Variants in EFCAB11 observed in about 807,000 individuals in gnomAD.
The protein encoded by EFCAB11 is EF-hand calcium-binding domain-containing protein 11.
In EFCAB11, 14 loss-of-function variants were observed where a neutral mutation model predicts 23.0. The observed-to-expected ratio is 0.61, with a 90% CI of 0.40 to 0.95. The LOEUF is 0.95. EFCAB11 is among the 40% of genes least tolerant of loss of function. The pLI, the probability that EFCAB11 is intolerant of heterozygous loss-of-function variation, is 0.00. For synonymous variants in EFCAB11, 65 were observed against 66.6 expected (o/e 0.98, Z 0.11); for missense variants, 198 against 195.8 (o/e 1.01, Z -0.07).
At chr14:89,948,583 G>T (rs1364962211) in intron 3 of EFCAB11, among the ~76,000 whole-genome samples, 1 of 152,220 alleles carries the variant, frequency 6.6e-6, no homozygotes, top group African/African-American at 2.4e-5. Context: ...TTTGGAAGAA[G>T]ACTCAGTGTC....
At chr14:89,805,163 A>C (rs1885925837) in intron 5 of EFCAB11, among the ~76,000 whole-genome samples, 1 of 152,226 alleles carries the variant, frequency 6.6e-6, no homozygotes, top group African/African-American at 2.4e-5. Flanking sequence ...CTACTAGCCT[A>C]ACAATTCCAT....
At chr14:89,805,780 G>A (rs913502082) in intron 5 of EFCAB11, among the ~76,000 whole-genome samples, 1 of 152,028 alleles carries the variant, frequency 6.6e-6, no homozygotes, top group Non-Finnish European at 1.5e-5. Flanking sequence ...TCTGCTACTT[G>A]GAAATGAAAG....
intron 5 of EFCAB11, among the ~76,000 whole-genome samples, chr14:89,815,476 G>C (rs984783355): frequency 6.6e-6 from 1 of 151,920 alleles, no homozygotes; most frequent in African/African-American, 2.4e-5. Context: ...GCCCAGGCTG[G>C]AGTGCAGTGG....
chr14:89,803,914 CAT>C (rs1288642909), intron 5 of EFCAB11, among the ~76,000 whole-genome samples: 28 of 152,182 alleles, frequency 1.8e-4, no homozygotes, highest in Admixed American at 1.7e-3. Context: ...TTTTTAAAGA[CAT>C]GTGTTAAGAA....
intron 5 of EFCAB11, among the ~76,000 whole-genome samples, chr14:89,798,856 G>A (rs1885666598): frequency 6.6e-6 from 1 of 152,106 alleles, no homozygotes; most frequent in Non-Finnish European, 1.5e-5. Context: ...GTGTGATCTT[G>A]GCTCACTGCG....
chr14:89,927,114 C>T (rs1490929224), intron 5 of EFCAB11, among the ~76,000 whole-genome samples: 2 of 152,146 alleles, frequency 1.3e-5, no homozygotes, highest in Admixed American at 1.3e-4. Flanking sequence ...GAATGATACA[C>T]CAGTGTTCTA....
At chr14:89,879,847 A>C (rs1347884560) in intron 5 of EFCAB11, among the ~76,000 whole-genome samples, 1 of 152,180 alleles carries the variant, frequency 6.6e-6, no homozygotes, top group Non-Finnish European at 1.5e-5. Flanking sequence ...TCTAATTATA[A>C]AAAGAGAAAA....
intron 5 of EFCAB11, chr14:89,829,868 G>A (rs1010604828): frequency 2.0e-5 from 3 of 151,980 alleles, no homozygotes; most frequent in African/African-American, 7.3e-5. Context: ...AAAAATCCAT[G>A]GATCTAGGAT....
intron 5 of EFCAB11, 72 bp downstream of exon 5, chr14:89,931,469 C>A: frequency 1.5e-6 from 2 of 1,346,908 alleles, no homozygotes; most frequent in African/African-American, 1.5e-5. Context: ...AAGTTCTTTC[C>A]ATAAAGTCAA....
chr14:89,949,117 A>G (rs776700106), intron 3 of EFCAB11, among the ~76,000 whole-genome samples: 2 of 152,198 alleles, frequency 1.3e-5, no homozygotes, highest in African/African-American at 2.4e-5. Context: ...ACATTTTAAA[A>G]TAACTAAGAG....
chr14:89,865,669 T>C (rs1888064948), intron 5 of EFCAB11, among the ~76,000 whole-genome samples: 1 of 151,362 alleles, frequency 6.6e-6, no homozygotes, highest in Admixed American at 6.6e-5. Flanking sequence ...GTCTGGCTTG[T>C]GTTTATTTTT....
intron 5 of EFCAB11, among the ~76,000 whole-genome samples, chr14:89,897,604 G>C (rs1473483935): frequency 6.6e-6 from 1 of 152,066 alleles, no homozygotes; most frequent in Non-Finnish European, 1.5e-5. Context: ...GGAGTGTGCG[G>C]GTATATGTGA....
intron 3 of EFCAB11, among the ~76,000 whole-genome samples, chr14:89,944,322 C>T (rs1049908032): frequency 1.1e-4 from 16 of 152,206 alleles, no homozygotes; most frequent in African/African-American, 3.6e-4. Context: ...ATCACAAGAA[C>T]AGCCTGGGAA....
chr14:89,917,036 C>A (rs1346442883), intron 5 of EFCAB11, among the ~76,000 whole-genome samples: 1 of 149,082 alleles, frequency 6.7e-6, no homozygotes, highest in South Asian at 2.1e-4. Flanking sequence ...TTAGCATATC[C>A]ATCACCTGAC....
Position 89,953,504 on chromosome 14 carries a change from C to A in EFCAB11, c.171+402G>T, listed in dbSNP as rs566776507. Reference sequence around the variant, plus strand: ...AGCGGATTTTATGCTCAACTTTATACCTTTCTGCACTGTTTTAATTTTTTG... The same window carrying A: ...AGCGGATTTTATGCTCAACTTTATAACTTTCTGCACTGTTTTAATTTTTTG... On this transcript the variant is annotated intron_variant, in intron 2 of 5. Coordinates refer to ENST00000316738, the MANE Select transcript of EFCAB11 (RefSeq NM_145231.4). 3.3e-5 allele frequency among the ~76,000 whole-genome samples: 5 copies of A among 152,310 alleles called. No individual in the cohort carries two copies. The South Asian group carries it at 1.0e-3, about 32-fold the overall frequency.
chr14:89,800,790 C>A (rs959502319), intron 5 of EFCAB11, among the ~76,000 whole-genome samples: 4 of 152,028 alleles, frequency 2.6e-5, no homozygotes, highest in Admixed American at 6.5e-5. Context: ...CACCTGTAAT[C>A]CCAGCACTTT....
chr14:89,807,564 C>T (rs1465445868), intron 5 of EFCAB11, among the ~76,000 whole-genome samples: 1 of 152,198 alleles, frequency 6.6e-6, no homozygotes, highest in African/African-American at 2.4e-5. Flanking sequence ...GAAATGTGAA[C>T]TATAAATATC....
intron 5 of EFCAB11, among the ~76,000 whole-genome samples, chr14:89,820,883 T>C (rs987693393): frequency 1.3e-5 from 2 of 151,594 alleles, no homozygotes; most frequent in Non-Finnish European, 2.9e-5. Flanking sequence ...TTAGATATTA[T>C]ATATATAAAA....
chr14:89,861,004 T>C lies in EFCAB11; in HGVS notation c.411-63680A>G, dbSNP rs115025277. ...CTGAAGTTACTCAAAGGTCAACATT[T>C]TGTCCTTCTCCTAAACAAAACCAAA... On this transcript the variant is annotated intron_variant, in intron 5 of 5. Coordinates refer to ENST00000316738, the MANE Select transcript of EFCAB11 (RefSeq NM_145231.4). Among the ~76,000 whole-genome samples the C allele has an allele frequency of 2.6e-3, 397 of 152,316 alleles. 3 individuals carry two copies. The highest frequency in any genetic ancestry group is 9.0e-3 in the African/African-American group (375 of 41,580).
Sources: allele counts gnomAD v4.1 joint callset (sites outside exome capture counted in the v4.1 genomes callset), GRCh38; gene constraint gnomAD v4.1.1; transcripts MANE v1.5; gene names NCBI Gene and HGNC (gene_info 2026-07-23, HGNC 2026-07-21).